The following NKAIN3 variants were observed in gnomAD, a reference collection of about 807,000 sequenced individuals.
The protein encoded by NKAIN3 is sodium/potassium transporting ATPase interacting 3, also known as sodium/potassium-transporting ATPase subunit beta-1-interacting protein 3.
Under a neutral mutation model 30.2 loss-of-function variants are expected in NKAIN3, and 25 were observed. That is an observed-to-expected ratio of 0.83 (90% CI 0.60 to 1.16). The LOEUF (loss-of-function observed/expected upper bound fraction) is 1.16. NKAIN3 is among the 50% of genes most tolerant of loss of function. NKAIN3 has a pLI of 0.00. For missense variants in NKAIN3, 225 were observed against 254.1 expected, an observed-to-expected ratio of 0.89 and a Z score of 0.78; for synonymous variants, 91 against 89.6, an observed-to-expected ratio of 1.02 and a Z score of -0.09.
intron 4 of NKAIN3, chr8:62,856,907 A>G (rs1402939245): frequency 1.7e-6 from 1 of 581,798 alleles, no homozygotes; most frequent in Non-Finnish European, 3.3e-6. Context: ...CTCATGTCAA[A>G]GGGAGTCAAC....
At chr8:62,964,104 A>T (rs1427913252) in intron 6 of NKAIN3, among the ~76,000 whole-genome samples, 2 of 152,194 alleles carry the variant, frequency 1.3e-5, no homozygotes, top group African/African-American at 2.4e-5. Flanking sequence ...GTAATTAATC[A>T]TGAGGCCTGG....
intron 3 of NKAIN3, among the ~76,000 whole-genome samples, chr8:62,692,116 A>C (rs1049974338): frequency 6.6e-6 from 1 of 152,102 alleles, no homozygotes; most frequent in South Asian, 2.1e-4. Context: ...GAAGGATCTC[A>C]AGGCCACTTG....
chr8:62,461,382 A>G (rs1378935748), intron 1 of NKAIN3, among the ~76,000 whole-genome samples: 1 of 152,226 alleles, frequency 6.6e-6, no homozygotes, highest in East Asian at 1.9e-4. Context: ...GAGTTGCCAC[A>G]TTACCATGTT....
intron 1 of NKAIN3, among the ~76,000 whole-genome samples, chr8:62,499,267 T>A (rs941659591): frequency 1.3e-5 from 2 of 151,988 alleles, no homozygotes; most frequent in African/African-American, 4.8e-5. Context: ...AACTGTACTT[T>A]CTGTTCTTTT....
intron 1 of NKAIN3, among the ~76,000 whole-genome samples, chr8:62,390,744 G>A (rs1817564103): frequency 6.6e-6 from 1 of 152,172 alleles, no homozygotes; most frequent in Non-Finnish European, 1.5e-5. Context: ...TGACTGGTGT[G>A]AGATGGTATC....
chr8:62,883,771 C>T (rs958187549), intron 4 of NKAIN3, among the ~76,000 whole-genome samples: 4 of 151,872 alleles, frequency 2.6e-5, no homozygotes, highest in Non-Finnish European at 4.4e-5. Context: ...TTCTTTTCTT[C>T]TACTTACTTT....
intron 1 of NKAIN3, among the ~76,000 whole-genome samples, chr8:62,536,108 A>G (rs1808652163): frequency 6.6e-6 from 1 of 152,220 alleles, no homozygotes; most frequent in Non-Finnish European, 1.5e-5. Context: ...TAGGACATGT[A>G]TAGACATGCA....
At chr8:62,786,350 C>T (rs1379247255) in intron 4 of NKAIN3, among the ~76,000 whole-genome samples, 1 of 151,910 alleles carries the variant, frequency 6.6e-6, no homozygotes, top group African/African-American at 2.4e-5. Flanking sequence ...TATTAAGTGT[C>T]TTTCATTTTT....
At chr8:62,781,257 A>G (rs1405333974) in intron 4 of NKAIN3, among the ~76,000 whole-genome samples, 2 of 151,972 alleles carry the variant, frequency 1.3e-5, no homozygotes, top group African/African-American at 4.8e-5. Context: ...AAAAACTATA[A>G]AACACTGATG....
intron 1 of NKAIN3, among the ~76,000 whole-genome samples, chr8:62,293,001 C>T (rs1036208971): frequency 2.0e-5 from 3 of 152,094 alleles, no homozygotes; most frequent in Admixed American, 6.6e-5. Context: ...CATTGATACC[C>T]TTTCTTCCAC....
chr8:62,656,964 C>T (rs1374530714), intron 3 of NKAIN3, among the ~76,000 whole-genome samples: 4 of 152,094 alleles, frequency 2.6e-5, no homozygotes, highest in African/African-American at 9.7e-5. Flanking sequence ...CATTTTTCAA[C>T]AAAAGGGTAT....
chr8:62,961,744 A>T (rs531711670), intron 6 of NKAIN3, among the ~76,000 whole-genome samples: 1 of 152,322 alleles, frequency 6.6e-6, no homozygotes, highest in South Asian at 2.1e-4. Context: ...AGAAATCAGT[A>T]CTAACAGACT....
At chr8:62,621,127 A>T (rs1811608026) in intron 3 of NKAIN3, among the ~76,000 whole-genome samples, 1 of 152,208 alleles carries the variant, frequency 6.6e-6, no homozygotes, top group Non-Finnish European at 1.5e-5. Flanking sequence ...CTTTTTAATT[A>T]ATATTACTGA....
chr8:62,839,111 A>G (rs1049081238), intron 4 of NKAIN3, among the ~76,000 whole-genome samples: 1 of 152,126 alleles, frequency 6.6e-6, no homozygotes, highest in Non-Finnish European at 1.5e-5. Context: ...ACAGTGATGC[A>G]GTTTCTCTGT....
At chr8:62,584,866 G>A (rs1280866529) in intron 2 of NKAIN3, among the ~76,000 whole-genome samples, 1 of 152,126 alleles carries the variant, frequency 6.6e-6, no homozygotes, top group Non-Finnish European at 1.5e-5. Context: ...TACCTGTCTT[G>A]CCCCATTCAA....
intron 4 of NKAIN3, among the ~76,000 whole-genome samples, chr8:62,751,912 C>T (rs1240713544): frequency 6.6e-6 from 1 of 151,694 alleles, no homozygotes; most frequent in Non-Finnish European, 1.5e-5. Flanking sequence ...GCCCTGACAC[C>T]TGAGCACACT....
intron 3 of NKAIN3, among the ~76,000 whole-genome samples, chr8:62,595,265 C>G (rs1810787864): frequency 6.6e-6 from 1 of 151,632 alleles, no homozygotes; most frequent in Non-Finnish European, 1.5e-5. Context: ...GCTTCTGATA[C>G]ATTTTGCTGA....
chr8:62,697,996 T>G (rs1405764294), intron 3 of NKAIN3, among the ~76,000 whole-genome samples: 1 of 152,198 alleles, frequency 6.6e-6, no homozygotes, highest in African/African-American at 2.4e-5. Flanking sequence ...GTTCATTTTG[T>G]TAACCTTTTT....
At chr8:62,762,730 A>G (rs1440402881) in intron 4 of NKAIN3, among the ~76,000 whole-genome samples, 1 of 152,174 alleles carries the variant, frequency 6.6e-6, no homozygotes, top group Non-Finnish European at 1.5e-5. Context: ...TATGTTAGGT[A>G]AAGGAAAAAA....
Sources: gnomAD v4.1 joint callset for allele counts (sites outside exome capture counted in the v4.1 genomes callset) on GRCh38, gnomAD v4.1.1 for gene constraint, MANE v1.5 for transcripts, NCBI Gene and HGNC (gene_info 2026-07-23, HGNC 2026-07-21) for gene names.